SDCCAG8: variants seen among roughly 807,000 people sequenced by gnomAD.
The protein encoded by SDCCAG8 is serologically defined colon cancer antigen 8.
A neutral mutation model predicts 101.8 loss-of-function variants in SDCCAG8; 74 were observed. The ratio of observed to expected loss-of-function variants is 0.73; its 90% CI spans 0.60 to 0.88. The LOEUF is 0.88. Among genes scored for constraint, SDCCAG8 ranks in the 40% least tolerant of loss-of-function variants. SDCCAG8 has a pLI of 0.00. For synonymous variants in SDCCAG8, 281 were observed against 292.9 expected (o/e 0.96, Z 0.41); for missense variants, 787 against 822.6 (o/e 0.96, Z 0.53).
intron 10 of SDCCAG8, among the ~76,000 whole-genome samples, chr1:243,337,073 AAGGCCCATGT>A: frequency 6.6e-6 from 1 of 152,020 alleles, no homozygotes. Flanking sequence ...ATTCTTTCCC[AAGGCCCATGT>A]AGGAAACACC....
intron 12 of SDCCAG8, among the ~76,000 whole-genome samples, chr1:243,364,965 T>G (rs886652691): frequency 6.6e-6 from 1 of 152,230 alleles, no homozygotes; most frequent in South Asian, 2.1e-4. Context: ...TCTTGCTGAT[T>G]AACAGTTGTC....
chr1:243,363,769 T>G (rs1430265194), intron 12 of SDCCAG8, among the ~76,000 whole-genome samples: 1 of 152,234 alleles, frequency 6.6e-6, no homozygotes, highest in African/African-American at 2.4e-5. Flanking sequence ...GTAATGTATG[T>G]GAAAGTGTTT....
chr1:243,293,291 G>C (rs2070454678), intron 6 of SDCCAG8, 72 bp downstream of exon 6: 4 of 1,473,454 alleles, frequency 2.7e-6, no homozygotes, highest in Non-Finnish European at 3.7e-6. Context: ...TTAAAATTCT[G>C]GTAAAATATA....
intron 12 of SDCCAG8, among the ~76,000 whole-genome samples, chr1:243,354,188 C>A (rs566048333): frequency 6.6e-6 from 1 of 152,286 alleles, no homozygotes; most frequent in African/African-American, 2.4e-5. Flanking sequence ...AAAGTTTTCT[C>A]CAGCTGTAAA....
chr1:243,267,968 T>C, intron 1 of SDCCAG8: 1 of 783,198 alleles, frequency 1.3e-6, no homozygotes, highest in South Asian at 1.3e-5. Flanking sequence ...TCAGGAAAGG[T>C]GTTGCGGAAC....
Position 243,284,943 on chromosome 1 carries a change from C to G in SDCCAG8, c.421-1329C>G, listed in dbSNP as rs562880241. 7.2e-5 allele frequency among the ~76,000 whole-genome samples: 11 copies of G among 151,784 alleles called. No homozygotes were observed. The East Asian group carries it at 2.1e-3, about 30-fold the overall frequency. Reference sequence around the variant, plus strand: ...TGTCACCCAGGCTGGAGTGCAGTGGCGTGATCTTGGCTCACTGAAACCTTG... The same window carrying G: ...TGTCACCCAGGCTGGAGTGCAGTGGGGTGATCTTGGCTCACTGAAACCTTG... On this transcript the variant is annotated intron_variant, in intron 4 of 17. Coordinates refer to ENST00000366541, the MANE Select transcript of SDCCAG8 (RefSeq NM_006642.5).
intron 13 of SDCCAG8, among the ~76,000 whole-genome samples, chr1:243,398,014 G>C (rs2079132783): frequency 6.6e-6 from 1 of 152,170 alleles, no homozygotes; most frequent in South Asian, 2.1e-4. Context: ...CTGACAAAGA[G>C]ACGCCAATAG....
At chr1:243,316,617 G>C in intron 8 of SDCCAG8, 138 bp from the exon 9 acceptor site, 1 of 994,006 alleles carries the variant, frequency 1.0e-6, no homozygotes, top group Non-Finnish European at 1.5e-6. Flanking sequence ...TCTTTCTCTG[G>C]GGTGTGCTTT....
intron 12 of SDCCAG8, among the ~76,000 whole-genome samples, chr1:243,372,940 A>C (rs1020793678): frequency 4.2e-5 from 6 of 143,618 alleles, no homozygotes; most frequent in African/African-American, 1.6e-4. Context: ...ATCTATATCT[A>C]TATCTATATC....
At chr1:243,264,989 T>C (rs2067475834) in intron 1 of SDCCAG8, among the ~76,000 whole-genome samples, 1 of 152,190 alleles carries the variant, frequency 6.6e-6, no homozygotes. Context: ...TGGAACCTTC[T>C]GTCTAATCTG....
chr1:243,279,330 T>G (rs2068833265), intron 4 of SDCCAG8, among the ~76,000 whole-genome samples: 1 of 152,220 alleles, frequency 6.6e-6, no homozygotes, highest in South Asian at 2.1e-4. Flanking sequence ...GATTGCGTCC[T>G]GATAAACTCG....
intron 13 of SDCCAG8, among the ~76,000 whole-genome samples, chr1:243,382,396 T>A (rs1317059476): frequency 6.6e-6 from 1 of 152,152 alleles, no homozygotes; most frequent in Non-Finnish European, 1.5e-5. Context: ...TAACTAAGAA[T>A]GGTTTTTATA....
intron 11 of SDCCAG8, among the ~76,000 whole-genome samples, chr1:243,342,199 TA>T (rs770852992): frequency 6.6e-6 from 1 of 152,172 alleles, no homozygotes; most frequent in Non-Finnish European, 1.5e-5. Context: ...CCTAGATTTA[TA>T]GGTGAAAGCT....
chr1:243,289,460 G>A (rs1402860259), intron 5 of SDCCAG8, among the ~76,000 whole-genome samples: 1 of 152,112 alleles, frequency 6.6e-6, no homozygotes, highest in Non-Finnish European at 1.5e-5. Flanking sequence ...CTTCAATCCA[G>A]TTAAGTTGAC....
rs766782728 is a variant in SDCCAG8 at position 243,341,031 on chromosome 1, C to A, written c.1222-8C>A. 1 of 1,612,612 alleles carries A rather than the reference C, an allele frequency of 6.2e-7. No homozygotes were observed. Among genetic ancestry groups the A allele is most frequent in the Non-Finnish European group, 8.5e-7 (1 of 1,178,764 alleles). On this transcript the variant is annotated splice_polypyrimidine_tract_variant and splice_region_variant and intron_variant, in intron 10 of 17. Transcript: ENST00000366541. ...ATTATTGTTTAGGACTTTTATTTTCCCTTACAGATGTTGATCTTGTCTCAG... is the reference window on the plus strand; with the variant it reads ...ATTATTGTTTAGGACTTTTATTTTCACTTACAGATGTTGATCTTGTCTCAG...
At chr1:243,387,157 G>A (rs1273340583) in intron 13 of SDCCAG8, among the ~76,000 whole-genome samples, 3 of 152,136 alleles carry the variant, frequency 2.0e-5, no homozygotes, top group Admixed American at 6.5e-5. Context: ...GTTAATTTAC[G>A]ATATGGCTGA....
intron 16 of SDCCAG8, among the ~76,000 whole-genome samples, chr1:243,475,357 C>T (rs906350746): frequency 6.6e-6 from 1 of 152,150 alleles, no homozygotes; most frequent in Non-Finnish European, 1.5e-5. Context: ...GGAGTGGGGG[C>T]TGTGACTGGG....
At chr1:243,310,969 G>T (rs1365229914) in intron 8 of SDCCAG8, among the ~76,000 whole-genome samples, 2 of 152,188 alleles carry the variant, frequency 1.3e-5, no homozygotes, top group Non-Finnish European at 2.9e-5. Flanking sequence ...GAGTACACAA[G>T]TATTTTCACT....
Position 243,256,235 on chromosome 1 carries a change from T to C in SDCCAG8, c.62T>C (p.Leu21Pro), listed in dbSNP as rs760366880. The change falls in exon 1 of 18, where the codon CTC becomes CCC. Residue 21 changes from leucine (L) to proline (P), a missense_variant. Physicochemically the swap from Leu to Pro is moderately conservative, Grantham distance 98. Transcript: ENST00000366541. ...EEILGQYQRSLREHASRSIHQ... is the reference protein window; with the variant it reads ...EEILGQYQRSPREHASRSIHQ... ...ATTCTGGGGCAGTATCAACGGAGTC[T>C]CCGGGGTGAGTTGCTCCAAACCTCT... 6.2e-7 allele frequency: 1 copy of C among 1,613,982 alleles called. No individual in the cohort carries two copies. Among genetic ancestry groups the C allele is most frequent in the Non-Finnish European group, 8.5e-7 (1 of 1,179,962 alleles).
Sources: allele counts gnomAD v4.1 joint callset (sites outside exome capture counted in the v4.1 genomes callset), GRCh38; gene constraint gnomAD v4.1.1; transcripts MANE v1.5; gene names NCBI Gene and HGNC (gene_info 2026-07-23, HGNC 2026-07-21).